IQCK: variants seen among roughly 807,000 people sequenced by gnomAD.
IQCK encodes the protein IQ motif containing K, also known as IQ domain-containing protein K.
Under a neutral mutation model 28.1 loss-of-function variants are expected in IQCK, and 29 were observed. The ratio of observed to expected loss-of-function variants is 1.03; its 90% CI spans 0.77 to 1.41. IQCK has a LOEUF of 1.41. IQCK is among the 40% of genes most tolerant of loss of function. The pLI, the probability that IQCK is intolerant of heterozygous loss-of-function variation, is 0.00. For synonymous variants in IQCK, 113 were observed against 115.1 expected, an observed-to-expected ratio of 0.98 and a Z score of 0.12; for missense variants, 359 against 314.7, an observed-to-expected ratio of 1.14 and a Z score of -1.07.
chr16:19,814,096 T>C (rs2055944676), intron 7 of IQCK, among the ~76,000 whole-genome samples: 1 of 151,930 alleles, frequency 6.6e-6, no homozygotes, highest in South Asian at 2.1e-4. Flanking sequence ...GGCGGGTAAC[T>C]GTAATCCCGG....
intron 7 of IQCK, among the ~76,000 whole-genome samples, chr16:19,806,220 G>A (rs912961126): frequency 6.6e-6 from 1 of 152,138 alleles, no homozygotes; most frequent in East Asian, 1.9e-4. Context: ...GAGTCAGTGT[G>A]TAAGTGAGCT....
intron 6 of IQCK, among the ~76,000 whole-genome samples, chr16:19,782,990 TC>T (rs2055509559): frequency 8.5e-6 from 1 of 117,858 alleles, no homozygotes; most frequent in African/African-American, 6.2e-5. Context: ...TGATTCTTCT[TC>T]TTTTTTTGTG....
intron 6 of IQCK, among the ~76,000 whole-genome samples, chr16:19,779,611 G>C (rs1467835009): frequency 6.6e-6 from 1 of 151,676 alleles, no homozygotes; most frequent in Non-Finnish European, 1.5e-5. Context: ...TAACTTTCTG[G>C]TCACTCTCTC....
At chr16:19,751,211 G>A (rs2054981790) in intron 4 of IQCK, among the ~76,000 whole-genome samples, 1 of 152,130 alleles carries the variant, frequency 6.6e-6, no homozygotes. Flanking sequence ...AATTGTGCTT[G>A]GCCAAGCACA....
intron 3 of IQCK, 181 bp downstream of exon 3, chr16:19,734,008 A>G (rs745725205): frequency 2.8e-5 from 16 of 562,662 alleles, no homozygotes; most frequent in Non-Finnish European, 4.8e-5. Flanking sequence ...AAGGTTAAAA[A>G]TGTAATAAAG....
At chr16:19,767,585 C>T (rs1310958963) in intron 6 of IQCK, among the ~76,000 whole-genome samples, 1 of 152,168 alleles carries the variant, frequency 6.6e-6, no homozygotes, top group Non-Finnish European at 1.5e-5. Context: ...CTGCTTGTAT[C>T]TTTTTCCGCT....
chr16:19,756,332 A>G (rs1203254247), intron 4 of IQCK, among the ~76,000 whole-genome samples: 3 of 151,876 alleles, frequency 2.0e-5, no homozygotes, highest in East Asian at 3.9e-4. Context: ...TTCATGTAAC[A>G]TGAGTGAAAA....
intron 9 of IQCK, among the ~76,000 whole-genome samples, chr16:19,839,745 C>T (rs1007589370): frequency 6.6e-6 from 1 of 152,086 alleles, no homozygotes; most frequent in African/African-American, 2.4e-5. Context: ...CCTGTAATCC[C>T]AGCACTTTGG....
At chr16:19,752,060 G>A (rs941006330) in intron 4 of IQCK, among the ~76,000 whole-genome samples, 1 of 152,110 alleles carries the variant, frequency 6.6e-6, no homozygotes. Context: ...CTGCTCTACC[G>A]TGACCTGCAT....
chr16:19,726,722 A>G (rs1977666340), intron 1 of IQCK, among the ~76,000 whole-genome samples: 1 of 152,224 alleles, frequency 6.6e-6, no homozygotes, highest in African/African-American at 2.4e-5. Context: ...GTAACTTACG[A>G]TATGGTTGGT....
chr16:19,825,798 C>A lies in IQCK; in HGVS notation c.691-1228C>A, dbSNP rs191249675. Among the ~76,000 whole-genome samples, 4 of 152,218 alleles carry A rather than the reference C, an allele frequency of 2.6e-5. No individual in the cohort carries two copies. Among genetic ancestry groups the A allele is most frequent in the Admixed American group, 2.6e-4 (4 of 15,304 alleles). The stretch of plus-strand genomic sequence containing the variant: ...CTATTATTCATCTCTTTAATCTCAA[C>A]GTCTAGCACAAAAGTTGGTATGAAG... On this transcript the variant is annotated intron_variant, in intron 7 of 7. Transcript: ENST00000564186. This position sits in a 1 kb window ranked among gnomAD's most constrained non-coding sequence, Gnocchi z 4.2.
rs142154724 is a variant in IQCK, at chr16:19,836,726, A to T, written c.802+9589A>T. Among the ~76,000 whole-genome samples the T allele has an allele frequency of 1.4e-4, 22 of 152,248 alleles. No individual in the cohort carries two copies. In the East Asian group the frequency reaches 4.2e-3, roughly 29 times the overall value. On this transcript the variant is annotated intron_variant, in intron 9 of 9. Transcript: ENST00000320394. ...ATGGGGTTTCACCATGTTGGCCAGGATGCTCTTGATCTCTTGACTTTGTGA... is the reference window on the plus strand; with the variant it reads ...ATGGGGTTTCACCATGTTGGCCAGGTTGCTCTTGATCTCTTGACTTTGTGA...
chr16:19,733,656 G>T, intron 2 of IQCK, 42 bp from the exon 3 acceptor site: 1 of 1,605,818 alleles, frequency 6.2e-7, no homozygotes, highest in Non-Finnish European at 8.5e-7. Flanking sequence ...AATTATTTAA[G>T]CTGTTTAAAT....
chr16:19,719,194 G>A (rs1042763322), intron 1 of IQCK, among the ~76,000 whole-genome samples: 12 of 152,108 alleles, frequency 7.9e-5, no homozygotes, highest in African/African-American at 2.4e-4. Flanking sequence ...CAAACTGCCT[G>A]ATTTTAGGAG....
At chr16:19,854,702 A>G (rs1219310545) in intron 9 of IQCK, among the ~76,000 whole-genome samples, 1 of 152,212 alleles carries the variant, frequency 6.6e-6, no homozygotes, top group East Asian at 1.9e-4. Flanking sequence ...TTACGTTGTC[A>G]GGCTGCTGGC....
chr16:19,726,886 C>T (rs950040206), intron 1 of IQCK, among the ~76,000 whole-genome samples: 1 of 152,138 alleles, frequency 6.6e-6, no homozygotes, highest in African/African-American at 2.4e-5. Flanking sequence ...GTAATTCCAG[C>T]ACTTTGGGAG....
chr16:19,776,285 T>C (rs1349377300), intron 6 of IQCK, among the ~76,000 whole-genome samples: 2 of 152,174 alleles, frequency 1.3e-5, no homozygotes, highest in Non-Finnish European at 2.9e-5. Flanking sequence ...ATAAGCAACC[T>C]GGCTGCAGAG....
At chr16:19,755,358 C>T (rs756285139) in intron 4 of IQCK, among the ~76,000 whole-genome samples, 1 of 152,170 alleles carries the variant, frequency 6.6e-6, no homozygotes, top group Non-Finnish European at 1.5e-5. Flanking sequence ...AATGGTCCAC[C>T]CAACAGAGAT....
At chr16:19,779,735 TGAGA>T (rs2055449418) in intron 6 of IQCK, among the ~76,000 whole-genome samples, 1 of 151,342 alleles carries the variant, frequency 6.6e-6, no homozygotes, top group Non-Finnish European at 1.5e-5. Context: ...TTATTTTTTT[TGAGA>T]TGGAGTCTCG....
Sources: gnomAD v4.1 joint callset for allele counts (sites outside exome capture counted in the v4.1 genomes callset) on GRCh38, gnomAD v4.1.1 for gene constraint, Gnocchi (gnomAD v3.1) non-coding constraint, MANE v1.5 for transcripts, NCBI Gene and HGNC (gene_info 2026-07-23, HGNC 2026-07-21) for gene names.